TTLL3: variants seen among roughly 807,000 people sequenced by gnomAD.
TTLL3 encodes the protein tubulin tyrosine ligase like 3.
Under a neutral mutation model 75.2 loss-of-function variants are expected in TTLL3, and 63 were observed. The ratio of observed to expected loss-of-function variants is 0.84; its 90% CI spans 0.68 to 1.03. The LOEUF (loss-of-function observed/expected upper bound fraction) is 1.03. Ranked by LOEUF, TTLL3 falls within the 50% of genes least tolerant of loss-of-function variation. The pLI is 0.00. For missense variants in TTLL3, 997 were observed against 1,069.9 expected, an observed-to-expected ratio of 0.93 and a Z score of 0.95; for synonymous variants, 393 against 418.5, an observed-to-expected ratio of 0.94 and a Z score of 0.74.
intron 6 of TTLL3, 77 bp downstream of exon 6, chr3:9,817,836 A>G (rs1158185278): frequency 6.3e-7 from 1 of 1,584,464 alleles, no homozygotes. Context: ...TATTGGAGAG[A>G]AACAGGCCTC....
intron 2 of TTLL3, among the ~76,000 whole-genome samples, chr3:9,811,494 C>T (rs75830972): frequency 5.9e-5 from 9 of 152,348 alleles, no homozygotes; most frequent in African/African-American, 1.7e-4. Context: ...AGCACCTTCT[C>T]CCGTCTGTGT....
rs937879715 is a variant in TTLL3 at position 9,815,979 on chromosome 3, G to A, written c.316-95G>A. 2.1e-5 allele frequency: 25 copies of A among 1,201,068 alleles called. No homozygotes were observed. The African/African-American group carries it at 3.8e-4, about 18-fold the overall frequency. 74.4% of individuals were successfully genotyped at this position (1,201,068 alleles called of 1,614,324 possible). ...ACCTTGGAAGCATCCTCTCCTTCCT[G>A]TTCACCCACCCTGCTCAGCAGGGCA... On this transcript the variant is annotated intron_variant, in intron 4 of 13. Transcript: ENST00000685419.
At chr3:9,822,905 G>A (rs1030619756) in intron 8 of TTLL3, among the ~76,000 whole-genome samples, 3 of 147,074 alleles carry the variant, frequency 2.0e-5, no homozygotes, top group African/African-American at 7.5e-5. Context: ...CACTGCACTC[G>A]GCCTAATTCA....
upstream of TTLL3, chr3:9,809,997 C>T (rs1575343312): frequency 1.0e-5 from 3 of 287,316 alleles, no homozygotes; most frequent in Non-Finnish European, 1.3e-5. Context: ...GCGAGCGCGG[C>T]GAGGGGCGCA....
In TTLL3 at chr3:9,820,753, G is replaced by C; in HGVS notation, c.854+12G>C. On this transcript the variant is annotated intron_variant, in intron 8 of 13. Coordinates refer to ENST00000685419, the MANE Select transcript of TTLL3 (RefSeq NM_001387446.1). ...TACCAAGTGGTCCAGTGAGTCCCCT[G>C]CAGCTGGGACTTTGGGCTGTGGGCA... The C allele has an allele frequency of 1.2e-6, 2 of 1,613,444 alleles. No homozygotes were observed. The highest frequency in any genetic ancestry group is 8.5e-7 in the Non-Finnish European group (1 of 1,179,724).
chr3:9,833,198 G>A lies in TTLL3; in HGVS notation c.1778G>A (p.Gly593Glu), dbSNP rs541410528. The change falls in exon 12 of 14, where the codon GGG becomes GAG. Residue 593 changes from glycine (G) to glutamate (E), a missense_variant. Physicochemically the swap from Gly to Glu is moderately conservative, Grantham distance 98. Coordinates refer to ENST00000685419, the MANE Select transcript of TTLL3 (RefSeq NM_001387446.1). ...KPMAMCHRRM[G>E]VRPAVPLLTQ... ...ATGGCGATGTGTCATCGGCGGATGG[G>A]GGTCCGCCCAGCAGTCCCTCTGCTG... 6.2e-7 allele frequency: 1 copy of A among 1,614,078 alleles called. No homozygotes were observed. The highest frequency in any genetic ancestry group is 2.2e-5 in the East Asian group (1 of 44,872).
chr3:9,811,255 G>A (rs2079328059), intron 2 of TTLL3, among the ~76,000 whole-genome samples: 2 of 152,026 alleles, frequency 1.3e-5, no homozygotes, highest in Non-Finnish European at 2.9e-5. Flanking sequence ...CGTAGATCTA[G>A]CCCCTACCTG....
chr3:9,825,804 G>A lies in TTLL3; in HGVS notation c.859G>A (p.Gly287Arg). 1 of 1,614,134 alleles carries A rather than the reference G, an allele frequency of 6.2e-7. No individual in the cohort carries two copies. Among genetic ancestry groups the A allele is most frequent in the Non-Finnish European group, 8.5e-7 (1 of 1,180,010 alleles). Residue 287 changes from glycine (G) to arginine (R), a missense_variant, in exon 9 of 14, where the codon GGG becomes AGG. By Grantham distance (125) the Gly-to-Arg change is moderately radical (BLOSUM62 -2). Transcript: ENST00000685419. ...AGTTCTATCATTTCCCCACAGCGAA[G>A]GGGCAGAACTCAGGCACCTCGACAC... ...LQRYYQVVHEGAELRHLDTQV... is the reference protein window; with the variant it reads ...LQRYYQVVHERAELRHLDTQV...
intron 8 of TTLL3, among the ~76,000 whole-genome samples, chr3:9,823,028 G>GTTT (rs2080630832): frequency 6.6e-6 from 1 of 151,238 alleles, no homozygotes; most frequent in Non-Finnish European, 1.5e-5. Context: ...GGCGGATCAT[G>GTTT]AAGTCAGGAG....
intron 6 of TTLL3, 146 bp downstream of exon 6, chr3:9,817,905 C>A: frequency 1.9e-6 from 2 of 1,077,294 alleles, no homozygotes; most frequent in African/African-American, 1.6e-5. Flanking sequence ...CAATCCTTAT[C>A]CTTCCCTAAT....
chr3:9,823,818 C>T (rs2080754809), intron 8 of TTLL3, among the ~76,000 whole-genome samples: 1 of 152,202 alleles, frequency 6.6e-6, no homozygotes, highest in African/African-American at 2.4e-5. Flanking sequence ...AGGAGGCTCC[C>T]GTCCTATTCA....
chr3:9,809,979 C>CTGGGAGGGCGGGCGCGGGATCAGGGGCCA, upstream of TTLL3: 1 of 1,303,620 alleles, frequency 7.7e-7, no homozygotes, highest in Non-Finnish European at 9.7e-7. Context: ...ATCAGGGGCC[C>CTGGGAGGGCGGGCGCGGGATCAGGGGCCA]TGGGAGGGCG....
chr3:9,823,308 C>G (rs1438888108), intron 8 of TTLL3, among the ~76,000 whole-genome samples: 1 of 151,824 alleles, frequency 6.6e-6, no homozygotes, highest in Non-Finnish European at 1.5e-5. Flanking sequence ...GGCGTGAACC[C>G]AGAAGGCGGA....
chr3:9,834,553 C>T, intron 12 of TTLL3, 128 bp from the exon 13 acceptor site: 1 of 1,437,596 alleles, frequency 7.0e-7, no homozygotes, highest in South Asian at 1.2e-5. Flanking sequence ...GGAGGAGGAA[C>T]CGGGAGGGCT....
Position 9,810,761 on chromosome 3 carries a change from T to C in TTLL3, c.48+52T>C, listed in dbSNP as rs1575346098. The C allele has an allele frequency of 6.7e-7, 1 of 1,492,332 alleles. No individual in the cohort carries two copies. Among genetic ancestry groups the C allele is most frequent in the African/African-American group, 1.4e-5 (1 of 71,426 alleles). The allele number at this position is 1,492,332 out of a possible 1,614,324, so 92.4% of individuals were successfully genotyped here. Reference sequence around the variant, plus strand: ...AAAGGGCCCTGGGAGCGGCTCAGCCTGTCTCCCTGCGCTGTTTTCTTATAT... The same window carrying C: ...AAAGGGCCCTGGGAGCGGCTCAGCCCGTCTCCCTGCGCTGTTTTCTTATAT... On this transcript the variant is annotated intron_variant, in intron 2 of 13. Transcript: ENST00000685419. This position sits in a 1 kb window ranked among gnomAD's most constrained non-coding sequence, Gnocchi z 4.4.
At chr3:9,828,839 C>T (rs1024933420) in intron 10 of TTLL3, 121 bp from the exon 11 acceptor site, 3 of 1,275,220 alleles carry the variant, frequency 2.4e-6, no homozygotes, top group African/African-American at 3.0e-5. Context: ...CAGTAGGGCC[C>T]CATCTCAAGT....
intron 2 of TTLL3, among the ~76,000 whole-genome samples, chr3:9,811,359 T>G (rs2079336124): frequency 6.6e-6 from 1 of 152,180 alleles, no homozygotes; most frequent in Non-Finnish European, 1.5e-5. Flanking sequence ...CTCCCCAGTC[T>G]CCAGTCTTTC....
Position 9,825,945 on chromosome 3 carries a change from CG to C in TTLL3, c.1001del (p.Arg334GlnfsTer13). 6.2e-7 allele frequency: 1 copy of C among 1,612,592 alleles called. No homozygotes were observed. Among genetic ancestry groups the C allele is most frequent in the Admixed American group, 1.7e-5 (1 of 60,010 alleles). On this transcript the variant is annotated frameshift_variant and splice_region_variant, in exon 9 of 14. Transcript: ENST00000685419. LOFTEE classifies it high-confidence loss of function. ...IVKPGAKSRG[R>X]GIMCMDHLEE... is the part of the protein sequence containing the mutation. ...GAAGCCAGGAGCCAAGTCCCGCGGA[CG>C]AGGTGGGGGTCAGCTCCTGCTTCCT... is the stretch of plus-strand genomic sequence containing the variant.
At chr3:9,827,460 T>A in intron 10 of TTLL3, 2 of 766,648 alleles carry the variant, frequency 2.6e-6, no homozygotes, top group Non-Finnish European at 4.0e-6. Context: ...TGGAGTGCAG[T>A]GGCATGGTCA....
Sources: gnomAD v4.1 joint callset for allele counts (sites outside exome capture counted in the v4.1 genomes callset) on GRCh38, gnomAD v4.1.1 for gene constraint, Gnocchi (gnomAD v3.1) non-coding constraint, MANE v1.5 for transcripts, NCBI Gene and HGNC (gene_info 2026-07-23, HGNC 2026-07-21) for gene names.